The following ERICH1 variants were observed in gnomAD, a reference collection of about 807,000 sequenced individuals.
ERICH1 encodes glutamate-rich protein 1.
ERICH1 carries 56 observed loss-of-function variants against 39.6 expected under a neutral mutation model. The ratio of observed to expected loss-of-function variants is 1.41; its 90% CI spans 1.14 to 1.77. ERICH1 has a LOEUF of 1.77. ERICH1 is among the 40% of genes most tolerant of loss of function. The pLI, the probability that ERICH1 is intolerant of heterozygous loss-of-function variation, is 0.00. For missense variants in ERICH1, 826 were observed against 575.4 expected (o/e 1.44, Z -4.45); for synonymous variants, 313 against 223.6 (o/e 1.40, Z -3.57).
intron 3 of ERICH1, among the ~76,000 whole-genome samples, chr8:633,396 A>C (rs1293621497): frequency 2.6e-5 from 4 of 152,242 alleles, no homozygotes; most frequent in South Asian, 2.1e-4. Context: ...TCACAACAGC[A>C]TGGGTAAATC....
At chr8:696,212 G>A (rs1442722740) in intron 2 of ERICH1, among the ~76,000 whole-genome samples, 5 of 42,572 alleles carry the variant, frequency 1.2e-4, no homozygotes, top group Admixed American at 2.3e-4. Context: ...CTCCCCATCA[G>A]CCTGCGCCTG....
At chr8:696,953 C>T (rs112529375) in intron 2 of ERICH1, among the ~76,000 whole-genome samples, 3,710 of 151,904 alleles carry the variant, frequency 0.024, 142 homozygotes, top group African/African-American at 0.084. Flanking sequence ...CCACTCCTTC[C>T]TCCCCATCAG....
intron 3 of ERICH1, among the ~76,000 whole-genome samples, chr8:619,351 A>T (rs891926759): frequency 1.3e-5 from 2 of 152,352 alleles, no homozygotes; most frequent in South Asian, 2.1e-4. Context: ...AGATAATTGT[A>T]AAAGACAGTA....
intron 3 of ERICH1, among the ~76,000 whole-genome samples, chr8:639,034 C>A (rs1798693360): frequency 6.6e-6 from 1 of 152,194 alleles, no homozygotes; most frequent in African/African-American, 2.4e-5. Context: ...GCAACGGAAG[C>A]CGTCTCTCAA....
intron 2 of ERICH1, among the ~76,000 whole-genome samples, chr8:710,309 A>G (rs1463808868): frequency 6.7e-6 from 1 of 150,114 alleles, no homozygotes; most frequent in Non-Finnish European, 1.5e-5. Flanking sequence ...GGGCAGTTTC[A>G]CCGTCCTGCA....
At chr8:629,921 C>T (rs1203534749) in intron 3 of ERICH1, among the ~76,000 whole-genome samples, 63 of 136,920 alleles carry the variant, frequency 4.6e-4, no homozygotes, top group Middle Eastern at 9.1e-3. Flanking sequence ...GACTCACACC[C>T]TCCCGTGACC....
intron 3 of ERICH1, among the ~76,000 whole-genome samples, chr8:685,762 A>G (rs939254665): frequency 1.3e-5 from 2 of 152,124 alleles, no homozygotes; most frequent in Middle Eastern, 3.2e-3. Context: ...TGGCATTTCA[A>G]GAGTCTTTCT....
intron 2 of ERICH1, among the ~76,000 whole-genome samples, chr8:709,412 C>T (rs943924788): frequency 3.3e-5 from 5 of 152,196 alleles, no homozygotes; most frequent in South Asian, 2.1e-4. Flanking sequence ...CCTGTTTCTC[C>T]GTGTGCCCAC....
downstream of ERICH1, among the ~76,000 whole-genome samples, chr8:661,896 C>G (rs999584593): frequency 7.9e-5 from 12 of 152,254 alleles, no homozygotes; most frequent in African/African-American, 2.2e-4. Flanking sequence ...TTCTGTGGAA[C>G]CCAGGAAACG....
intron 3 of ERICH1, chr8:627,279 A>C (rs943239046): frequency 1.3e-5 from 6 of 453,934 alleles, no homozygotes; most frequent in Admixed American, 9.4e-5. Context: ...ACAGGATTGA[A>C]AAGGGGTGTA....
chr8:694,208 T>C (rs1177986717), intron 2 of ERICH1, among the ~76,000 whole-genome samples: 1 of 152,152 alleles, frequency 6.6e-6, no homozygotes, highest in Non-Finnish European at 1.5e-5. Flanking sequence ...CTCTCGAGGG[T>C]AGGGTGCCGG....
chr8:627,242 G>A (rs988825620), intron 3 of ERICH1: 1 of 456,174 alleles, frequency 2.2e-6, no homozygotes, highest in African/African-American at 2.0e-5. Flanking sequence ...TTCCCACCTG[G>A]AAGTTGGAGA....
rs752882270 is a variant in ERICH1, at chr8:655,387, C to T, written c.976+13211G>A. On this transcript the variant is annotated intron_variant, in intron 3 of 3. Coordinates refer to the ERICH1 transcript ENST00000522706. The stretch of plus-strand genomic sequence containing the variant: ...TTCTGTACGTCAGCACACCCAGGAG[C>T]GTATGTAATAGGAGTCTCACTCGTT... 2.0e-4 allele frequency among the ~76,000 whole-genome samples: 30 copies of T among 152,328 alleles called. 1 individual carries two copies. The highest frequency in any genetic ancestry group is 7.8e-4 in the Admixed American group (12 of 15,302).
intron 3 of ERICH1, among the ~76,000 whole-genome samples, chr8:618,570 C>T (rs573887109): frequency 3.9e-4 from 59 of 152,354 alleles, no homozygotes; most frequent in South Asian, 2.5e-3. Context: ...CCTCCCACCC[C>T]ACTGTCTTTC....
Position 673,526 on chromosome 8 carries a change from C to G in ERICH1, c.826G>C (p.Asp276His). The change falls in exon 4 of 6, where the codon GAC (aspartate) becomes CAC (histidine). Residue 276 changes from aspartate (D) to histidine (H), a missense_variant. By Grantham distance (81) the Asp-to-His change is moderately conservative. Coordinates refer to ENST00000262109, the MANE Select transcript of ERICH1 (RefSeq NM_207332.3). ...VKDAREEDGV[D>H]TIEEDLTRAG... ...CGTGTCAGGTCTTCCTCAATGGTGT[C>G]CACACCGTCCTCCTCCCTGGCGTCT... is the stretch of plus-strand genomic sequence containing the variant. 1 of 1,613,046 alleles carries G rather than the reference C, an allele frequency of 6.2e-7. No homozygotes were observed. Among genetic ancestry groups the G allele is most frequent in the Non-Finnish European group, 8.5e-7 (1 of 1,179,786 alleles).
chr8:685,705 T>G (rs1283106128), intron 3 of ERICH1, among the ~76,000 whole-genome samples: 2 of 152,246 alleles, frequency 1.3e-5, no homozygotes, highest in Non-Finnish European at 2.9e-5. Context: ...GGTCCCTGAC[T>G]TCCTGCAATA....
chr8:617,846 G>C (rs1027355147), intron 3 of ERICH1, among the ~76,000 whole-genome samples: 3 of 149,032 alleles, frequency 2.0e-5, no homozygotes, highest in Non-Finnish European at 4.4e-5. Flanking sequence ...ACTGCCCTCT[G>C]AGTGCTCAGT....
chr8:673,961 T>C lies in ERICH1; in HGVS notation c.391A>G (p.Ile131Val). ...KKFKNPNNVLIEQAELEKQQS... is the reference protein window; with the variant it reads ...KKFKNPNNVLVEQAELEKQQS... ...TGTTTCTCTAATTCTGCTTGTTCTATAAGAACATTATTGGGATTTTTAAAT... is the reference window on the plus strand; with the variant it reads ...TGTTTCTCTAATTCTGCTTGTTCTACAAGAACATTATTGGGATTTTTAAAT... Residue 131 changes from isoleucine (I) to valine (V), a missense_variant, in exon 4 of 6, where the codon ATA (isoleucine) becomes GTA (valine). Transcript: ENST00000262109. The C allele has an allele frequency of 6.2e-7, 1 of 1,604,088 alleles. No homozygotes were observed. Among genetic ancestry groups the C allele is most frequent in the Non-Finnish European group, 8.5e-7 (1 of 1,178,210 alleles).
At chr8:721,848 G>A (rs943510133) in intron 1 of ERICH1, among the ~76,000 whole-genome samples, 1 of 152,220 alleles carries the variant, frequency 6.6e-6, no homozygotes, top group African/African-American at 2.4e-5. Context: ...GATCCAATGT[G>A]TTTTTACCTA....
Sources: allele counts gnomAD v4.1 joint callset (sites outside exome capture counted in the v4.1 genomes callset), GRCh38; gene constraint gnomAD v4.1.1; transcripts MANE v1.5; gene names NCBI Gene and HGNC (gene_info 2026-07-23, HGNC 2026-07-21).